The following EXOC6B variants were observed in gnomAD, a reference collection of about 807,000 sequenced individuals.
EXOC6B encodes the protein SEC15 homolog B.
EXOC6B carries 54 observed loss-of-function variants against 113.5 expected under a neutral mutation model. That is an observed-to-expected ratio of 0.48 (90% CI 0.38 to 0.60). EXOC6B has a LOEUF of 0.60. Among genes scored for constraint, EXOC6B ranks in the 20% least tolerant of loss-of-function variants. EXOC6B has a pLI of 0.00. For missense variants in EXOC6B, 797 were observed against 977.5 expected (o/e 0.82, Z 2.46); for synonymous variants, 357 against 339.0 (o/e 1.05, Z -0.58).
chr2:72,245,677 G>A (rs760900108), intron 20 of EXOC6B, among the ~76,000 whole-genome samples: 6 of 152,248 alleles, frequency 3.9e-5, no homozygotes, highest in Admixed American at 6.5e-5. Flanking sequence ...GAGGCAGAGC[G>A]CAGGGCAGTG....
chr2:72,682,019 C>T (rs576877329), intron 6 of EXOC6B, among the ~76,000 whole-genome samples: 4 of 118,382 alleles, frequency 3.4e-5, no homozygotes, highest in Admixed American at 7.6e-5. Flanking sequence ...AAAAAAAGAA[C>T]TAATACAATC....
chr2:72,342,106 A>G (rs1167669377), intron 19 of EXOC6B, among the ~76,000 whole-genome samples: 2 of 152,114 alleles, frequency 1.3e-5, no homozygotes. Context: ...AGGGAAGTTT[A>G]TTCTTATTAG....
intron 17 of EXOC6B, among the ~76,000 whole-genome samples, chr2:72,478,753 G>A (rs1318009548): frequency 6.6e-6 from 1 of 152,206 alleles, no homozygotes; most frequent in African/African-American, 2.4e-5. Flanking sequence ...ATAAAAAATT[G>A]AGACTGGTTG....
intron 19 of EXOC6B, among the ~76,000 whole-genome samples, chr2:72,357,884 C>T (rs1193946363): frequency 6.6e-6 from 1 of 152,064 alleles, no homozygotes; most frequent in East Asian, 1.9e-4. Context: ...GGGTATGTAG[C>T]AGGCTATATA....
At chr2:72,348,932 C>T (rs534324320) in intron 19 of EXOC6B, among the ~76,000 whole-genome samples, 100 of 152,174 alleles carry the variant, frequency 6.6e-4, no homozygotes, top group African/African-American at 2.3e-3. Context: ...TGACCCATTC[C>T]AAGCTGAAAG....
intron 15 of EXOC6B, among the ~76,000 whole-genome samples, chr2:72,495,038 A>G (rs540992937): frequency 6.6e-6 from 1 of 151,640 alleles, no homozygotes; most frequent in South Asian, 2.1e-4. Flanking sequence ...TTTTTTTTCT[A>G]TAGAGATGGG....
chr2:72,538,082 A>T (rs1384618396), intron 8 of EXOC6B, among the ~76,000 whole-genome samples: 1 of 151,292 alleles, frequency 6.6e-6, no homozygotes, highest in African/African-American at 2.4e-5. Context: ...CTCACCTCCC[A>T]AAGTAACTAG....
chr2:72,367,841 A>G lies in EXOC6B; in HGVS notation c.2122+11888T>C, dbSNP rs551809331. Reference sequence around the variant, plus strand: ...CACTCAGAACCCACACATGGAGGGAACATTTGGACCAGCCCTAGCCAAAGG... The same window carrying G: ...CACTCAGAACCCACACATGGAGGGAGCATTTGGACCAGCCCTAGCCAAAGG... On this transcript the variant is annotated intron_variant, in intron 19 of 21. Transcript: ENST00000272427. 9.2e-5 allele frequency among the ~76,000 whole-genome samples: 14 copies of G among 152,264 alleles called. No individual in the cohort carries two copies. In the South Asian group the frequency reaches 2.9e-3, roughly 32 times the overall value.
chr2:72,475,653 G>A (rs1326267075), intron 17 of EXOC6B, among the ~76,000 whole-genome samples: 2 of 152,140 alleles, frequency 1.3e-5, no homozygotes, highest in African/African-American at 4.8e-5. Flanking sequence ...AGTTAGGGGT[G>A]AGGCAATCCC....
At chr2:72,263,909 ACAGCCAGCCAGC>A (rs531669226) in intron 20 of EXOC6B, among the ~76,000 whole-genome samples, 9 of 152,130 alleles carry the variant, frequency 5.9e-5, no homozygotes, top group Non-Finnish European at 5.9e-5. Context: ...AAGCATTCTG[ACAGCCAGCCAGC>A]CAGCCAGCCA....
intron 6 of EXOC6B, among the ~76,000 whole-genome samples, chr2:72,655,881 C>T (rs1002401196): frequency 6.6e-6 from 1 of 151,922 alleles, no homozygotes; most frequent in African/African-American, 2.4e-5. Context: ...ATCTATAAAA[C>T]TAAATAGACC....
At chr2:72,738,676 A>G (rs1198326699) in intron 2 of EXOC6B, among the ~76,000 whole-genome samples, 1 of 152,200 alleles carries the variant, frequency 6.6e-6, no homozygotes, top group African/African-American at 2.4e-5. Flanking sequence ...AAGACGCACT[A>G]TTGAGATTCT....
chr2:72,342,014 A>G (rs1689059940), intron 19 of EXOC6B, among the ~76,000 whole-genome samples: 2 of 152,172 alleles, frequency 1.3e-5, no homozygotes, highest in African/African-American at 4.8e-5. Flanking sequence ...ATAAATTAAA[A>G]AGGGAATAAA....
chr2:72,686,899 G>C lies in EXOC6B; in HGVS notation c.669+31204C>G, dbSNP rs145535906. 4.2e-3 allele frequency among the ~76,000 whole-genome samples: 634 copies of C among 152,154 alleles called. 6 individuals carry two copies. Among genetic ancestry groups the C allele is most frequent in the African/African-American group, 0.015 (612 of 41,510 alleles). ...CATGTCTGTAATCCCAGCACTTTGG[G>C]AGGCCGAGGCAGGCAGATCACGAGG... On this transcript the variant is annotated intron_variant, in intron 6 of 21. Transcript: ENST00000272427.
chr2:72,365,577 G>A lies in EXOC6B; in HGVS notation c.2122+14152C>T, dbSNP rs138704746. ...CTGAGTTGAAAAGTCAGAGACTAGA[G>A]CCCAGGAGTTCAAGGCAACAAGTAT... On this transcript the variant is annotated intron_variant, in intron 19 of 21. Transcript: ENST00000272427. Among the ~76,000 whole-genome samples, 69 of 152,266 alleles carry A rather than the reference G, an allele frequency of 4.5e-4. 2 individuals carry two copies. In the East Asian group the frequency reaches 0.012, roughly 26 times the overall value.
chr2:72,477,651 G>A (rs1698830356), intron 17 of EXOC6B, among the ~76,000 whole-genome samples: 1 of 152,124 alleles, frequency 6.6e-6, no homozygotes, highest in Non-Finnish European at 1.5e-5. Flanking sequence ...AGAATACAAT[G>A]TACAGTATTT....
At chr2:72,525,285 A>T (rs1701700817) in intron 8 of EXOC6B, among the ~76,000 whole-genome samples, 1 of 152,144 alleles carries the variant, frequency 6.6e-6, no homozygotes, top group Non-Finnish European at 1.5e-5. Context: ...GTCTTTTATT[A>T]TCAGATTCAG....
intron 6 of EXOC6B, among the ~76,000 whole-genome samples, chr2:72,694,599 G>A (rs781634071): frequency 2.6e-5 from 4 of 152,168 alleles, no homozygotes; most frequent in Non-Finnish European, 4.4e-5. Context: ...GCACTGACAT[G>A]TAATACTATT....
intron 20 of EXOC6B, among the ~76,000 whole-genome samples, chr2:72,334,676 G>A (rs1013423602): frequency 1.3e-5 from 2 of 151,990 alleles, no homozygotes; most frequent in South Asian, 4.1e-4. Context: ...ACAATGGGTC[G>A]CATCACTTGA....
Sources: allele counts gnomAD v4.1 joint callset (sites outside exome capture counted in the v4.1 genomes callset), GRCh38; gene constraint gnomAD v4.1.1; transcripts MANE v1.5; gene names NCBI Gene and HGNC (gene_info 2026-07-23, HGNC 2026-07-21).